CRPPA: variants seen among roughly 807,000 people sequenced by gnomAD.
The protein encoded by CRPPA is D-ribitol-5-phosphate cytidylyltransferase.
A neutral mutation model predicts 52.0 loss-of-function variants in CRPPA; 43 were observed. The ratio of observed to expected loss-of-function variants is 0.83; its 90% CI spans 0.65 to 1.07. The LOEUF is 1.07. Among genes scored for constraint, CRPPA ranks in the 50% least tolerant of loss-of-function variants. The pLI, the probability that CRPPA is intolerant of heterozygous loss-of-function variation, is 0.00. For synonymous variants in CRPPA, 250 were observed against 203.5 expected (o/e 1.23, Z -1.94); for missense variants, 629 against 551.7 (o/e 1.14, Z -1.40).
intron 9 of CRPPA, among the ~76,000 whole-genome samples, chr7:16,139,825 T>C (rs1287799392): frequency 2.6e-5 from 4 of 152,200 alleles, no homozygotes; most frequent in African/African-American, 4.8e-5. Context: ...ATTCCCAACA[T>C]AGATACTTTA....
At chr7:16,413,405 A>G (rs1267587695) in intron 1 of CRPPA, among the ~76,000 whole-genome samples, 1 of 152,188 alleles carries the variant, frequency 6.6e-6, no homozygotes, top group Non-Finnish European at 1.5e-5. Context: ...CTCAGACTTG[A>G]CCCTTTTATT....
intron 9 of CRPPA, among the ~76,000 whole-genome samples, chr7:16,109,847 A>G (rs1325731754): frequency 6.6e-6 from 1 of 152,050 alleles, no homozygotes. Flanking sequence ...TGCCACAGCT[A>G]ACAGTATAGT....
At chr7:16,179,261 C>T (rs928560545) in intron 9 of CRPPA, among the ~76,000 whole-genome samples, 3 of 152,006 alleles carry the variant, frequency 2.0e-5, no homozygotes, top group Non-Finnish European at 4.4e-5. Flanking sequence ...TTTTAAAATG[C>T]TGCATTTTTA....
intron 8 of CRPPA, among the ~76,000 whole-genome samples, chr7:16,243,504 G>A (rs1783183435): frequency 6.6e-6 from 1 of 152,030 alleles, no homozygotes; most frequent in Non-Finnish European, 1.5e-5. Flanking sequence ...CTTAAATCAT[G>A]CTAAATAGCA....
chr7:16,276,475 T>A (rs1784206300), intron 6 of CRPPA: 1 of 152,106 alleles, frequency 6.6e-6, no homozygotes, highest in African/African-American at 2.4e-5. Context: ...CCAAAACACT[T>A]TATGACAAAA....
rs911049573 is a variant in CRPPA, at chr7:16,107,542, G to C, written c.1252-15743C>G. Among the ~76,000 whole-genome samples the C allele has an allele frequency of 2.6e-5, 4 of 151,948 alleles. No individual in the cohort carries two copies. The East Asian group carries it at 7.7e-4, about 29-fold the overall frequency. The stretch of plus-strand genomic sequence containing the variant: ...AGCAAAGCTATATTTCAGAAATGAA[G>C]GAGAAATAAGAAGTTTCTCATAAAA... On this transcript the variant is annotated intron_variant, in intron 9 of 9. Transcript: ENST00000407010.
At chr7:16,404,650 G>A (rs1039515615) in intron 2 of CRPPA, among the ~76,000 whole-genome samples, 2 of 151,080 alleles carry the variant, frequency 1.3e-5, no homozygotes, top group Non-Finnish European at 1.5e-5. Context: ...TATAATATGC[G>A]TTGCAATGAA....
At chr7:16,326,913 T>C (rs1427767595) in intron 3 of CRPPA, among the ~76,000 whole-genome samples, 1 of 152,126 alleles carries the variant, frequency 6.6e-6, no homozygotes, top group African/African-American at 2.4e-5. Context: ...AAAAATGCTA[T>C]TTGTATTTTC....
chr7:16,095,517 T>G (rs143040155), intron 9 of CRPPA, among the ~76,000 whole-genome samples: 1 of 152,296 alleles, frequency 6.6e-6, no homozygotes, highest in East Asian at 1.9e-4. Context: ...TATGATAGAG[T>G]AGGGTATATC....
intron 5 of CRPPA, among the ~76,000 whole-genome samples, chr7:16,294,430 T>C (rs1026941081): frequency 1.2e-4 from 18 of 150,810 alleles, no homozygotes; most frequent in African/African-American, 4.2e-4. Context: ...TGAACTCTAC[T>C]TTTCCTAATC....
At chr7:16,183,548 T>A (rs1024636144) in intron 9 of CRPPA, among the ~76,000 whole-genome samples, 5 of 152,314 alleles carry the variant, frequency 3.3e-5, no homozygotes, top group East Asian at 1.9e-4. Flanking sequence ...GCTTCTAGTA[T>A]GTCTGAATCT....
At chr7:16,323,811 A>G (rs760516047) in intron 3 of CRPPA, among the ~76,000 whole-genome samples, 2 of 152,232 alleles carry the variant, frequency 1.3e-5, no homozygotes, top group Non-Finnish European at 2.9e-5. Flanking sequence ...ATAGAAATCA[A>G]TCTCAAACAT....
At chr7:16,407,306 G>A (rs1787978065) in intron 1 of CRPPA, among the ~76,000 whole-genome samples, 1 of 152,072 alleles carries the variant, frequency 6.6e-6, no homozygotes, top group African/African-American at 2.4e-5. Context: ...GGGACCTACT[G>A]ACATACTAGA....
At chr7:16,227,655 T>C (rs193005448) in intron 8 of CRPPA, among the ~76,000 whole-genome samples, 1 of 151,988 alleles carries the variant, frequency 6.6e-6, no homozygotes, top group East Asian at 1.9e-4. Context: ...ATATGAGATG[T>C]ATGTATAGTT....
At chr7:16,242,038 C>T (rs1783129183) in intron 8 of CRPPA, among the ~76,000 whole-genome samples, 1 of 141,960 alleles carries the variant, frequency 7.0e-6, no homozygotes, top group African/African-American at 2.6e-5. Flanking sequence ...GGTTCACTGC[C>T]CCCCGGGTTC....
At chr7:16,255,024 T>C (rs934450700) in intron 8 of CRPPA, among the ~76,000 whole-genome samples, 4 of 152,128 alleles carry the variant, frequency 2.6e-5, no homozygotes, top group Non-Finnish European at 5.9e-5. Flanking sequence ...GATGACATGA[T>C]TGTATATTTA....
At chr7:16,254,344 C>G in intron 8 of CRPPA, among the ~76,000 whole-genome samples, 1 of 152,082 alleles carries the variant, frequency 6.6e-6, no homozygotes, top group Non-Finnish European at 1.5e-5. Flanking sequence ...AACCCAAATG[C>G]CCATCAACGA....
rs190071410 is a variant in CRPPA at position 16,089,359 on chromosome 7, C to T, written c.*2336G>A. 5.0e-4 allele frequency: 157 copies of T among 311,426 alleles called. 3 individuals carry two copies. Among genetic ancestry groups the T allele is most frequent in the Admixed American group, 9.8e-4 (31 of 31,512 alleles). 19.3% of individuals were successfully genotyped at this position (311,426 alleles called of 1,614,324 possible). A position where few individuals can be genotyped will look rare whatever the true frequency, so the allele number is the denominator to read the frequency against. ...GTGTGTATGCGTACGTATATACATA[C>T]ATACATGCATGTACATATATACGTA... is the stretch of plus-strand genomic sequence containing the variant. On this transcript the variant is annotated 3_prime_UTR_variant, in exon 10 of 10. Transcript: ENST00000407010.
intron 5 of CRPPA, among the ~76,000 whole-genome samples, chr7:16,284,547 T>C (rs76233294): frequency 6.6e-6 from 1 of 152,116 alleles, no homozygotes; most frequent in African/African-American, 2.4e-5. Flanking sequence ...GGTCTTAATA[T>C]TTCAGGGTTT....
Sources: gnomAD v4.1 joint callset for allele counts (sites outside exome capture counted in the v4.1 genomes callset) on GRCh38, gnomAD v4.1.1 for gene constraint, MANE v1.5 for transcripts, NCBI Gene and HGNC (gene_info 2026-07-23, HGNC 2026-07-21) for gene names.